BMP7: variants seen among roughly 807,000 people sequenced by gnomAD.
BMP7 encodes bone morphogenetic protein 7, also known as osteogenic protein 1.
In BMP7, 12 loss-of-function variants were observed where a neutral mutation model predicts 41.2. The ratio of observed to expected loss-of-function variants is 0.29; its 90% confidence interval spans 0.19 to 0.47. The LOEUF is 0.47. Among genes scored for constraint, BMP7 ranks in the 20% least tolerant of loss-of-function variants. The probability of loss-of-function intolerance (pLI) is 0.99; values close to 1 mark genes in which losing one functional copy is unlikely to be tolerated. For missense variants in BMP7, 467 were observed against 606.0 expected, an observed-to-expected ratio of 0.77 and a Z score of 2.41; for synonymous variants, 248 against 250.0, an observed-to-expected ratio of 0.99 and a Z score of 0.07.
chr20:57,266,268 G>A lies in BMP7; in HGVS notation c.-146C>T, dbSNP rs113393186. 16,057 of 770,104 alleles carry A rather than the reference G, an allele frequency of 0.021. 214 individuals carry two copies. The highest frequency in any genetic ancestry group is 0.024 in the South Asian group (572 of 23,936). 47.7% of individuals were successfully genotyped at this position (770,104 alleles called of 1,614,324 possible). The stretch of plus-strand genomic sequence containing the variant: ...CCCGCGCCAGACATGGCCCCTCCCC[G>A]GCCGGCCGCGCTCTGCCCGGACCCC... On this transcript the variant is annotated 5_prime_UTR_variant, in exon 1 of 7. Coordinates refer to ENST00000395863, the MANE Select transcript of BMP7 (RefSeq NM_001719.3).
At position 57,259,332 on chromosome 20, in the gene BMP7, G is replaced by C. The variant is rs1041957263; in HGVS notation, c.418+6373C>G. Among the ~76,000 whole-genome samples, 1 of 152,246 alleles carries C rather than the reference G, an allele frequency of 6.6e-6. No homozygotes were observed. The highest frequency in any genetic ancestry group is 1.9e-4 in the East Asian group (1 of 5,200). On this transcript the variant is annotated intron_variant, in intron 1 of 6. Coordinates refer to ENST00000395863, the MANE Select transcript of BMP7 (RefSeq NM_001719.3). The surrounding 1 kb of genome is among the most constrained non-coding windows in gnomAD (Gnocchi z 4.7). ...GTGAAGCCCTTTATAGAAAGCCGCG[G>C]TTGGCAGCCCCCGCTCCTGCATGGG...
At chr20:57,233,104 A>G (rs2123121921) in intron 1 of BMP7, among the ~76,000 whole-genome samples, 1 of 152,294 alleles carries the variant, frequency 6.6e-6, no homozygotes, top group East Asian at 1.9e-4. Flanking sequence ...TTTCTTCTAA[A>G]GTTACTGTAT....
At chr20:57,244,687 T>A (rs2066082748) in intron 1 of BMP7, among the ~76,000 whole-genome samples, 1 of 152,218 alleles carries the variant, frequency 6.6e-6, no homozygotes. Context: ...ACATGGAGGC[T>A]GGCCACCAGG....
At chr20:57,185,410 A>G (rs1461450183) in intron 3 of BMP7, among the ~76,000 whole-genome samples, 1 of 152,144 alleles carries the variant, frequency 6.6e-6, no homozygotes, top group African/African-American at 2.4e-5. Flanking sequence ...TTGGGAAGGG[A>G]TTATAAAAGG....
intron 4 of BMP7, among the ~76,000 whole-genome samples, chr20:57,176,924 T>C (rs1036632357): frequency 7.2e-5 from 11 of 152,204 alleles, no homozygotes; most frequent in Non-Finnish European, 1.3e-4. Flanking sequence ...GCATAGCTTC[T>C]AGGATAATGA....
chr20:57,229,750 G>A (rs760729980), intron 1 of BMP7, among the ~76,000 whole-genome samples: 3 of 152,216 alleles, frequency 2.0e-5, no homozygotes, highest in Non-Finnish European at 4.4e-5. Flanking sequence ...GGAGAAATAC[G>A]ATCAGCAATC....
intron 2 of BMP7, among the ~76,000 whole-genome samples, chr20:57,211,691 A>T (rs1342151166): frequency 6.6e-6 from 1 of 152,158 alleles, no homozygotes; most frequent in African/African-American, 2.4e-5. Context: ...GCCAGAGAAT[A>T]AGCTGTGACA....
At chr20:57,232,300 T>C (rs1467578585) in intron 1 of BMP7, among the ~76,000 whole-genome samples, 1 of 152,108 alleles carries the variant, frequency 6.6e-6, no homozygotes, top group Admixed American at 6.5e-5. Flanking sequence ...AGGTGAGCCA[T>C]TTGAGTCTGC....
intron 1 of BMP7, among the ~76,000 whole-genome samples, chr20:57,233,742 ACAAC>A (rs1306996327): frequency 6.6e-6 from 1 of 152,234 alleles, no homozygotes; most frequent in African/African-American, 2.4e-5. Flanking sequence ...AGGGAGGGCC[ACAAC>A]CAAAGAAATT....
chr20:57,192,468 T>C (rs996835868), intron 3 of BMP7, among the ~76,000 whole-genome samples: 4 of 151,476 alleles, frequency 2.6e-5, no homozygotes, highest in African/African-American at 9.7e-5. Context: ...CAATTCCTTT[T>C]CATTTTATGT....
chr20:57,250,033 C>G (rs1600643601), intron 1 of BMP7, among the ~76,000 whole-genome samples: 1 of 152,118 alleles, frequency 6.6e-6, no homozygotes, highest in African/African-American at 2.4e-5. Flanking sequence ...CCCCAAAGCT[C>G]GGCGAGTAAT....
At chr20:57,173,521 T>C in intron 5 of BMP7, 1 of 638,664 alleles carries the variant, frequency 1.6e-6, no homozygotes, top group Non-Finnish European at 2.8e-6. Context: ...GACCACTCTA[T>C]AGTCTTGGCC....
chr20:57,246,545 C>T (rs973527215), intron 1 of BMP7, among the ~76,000 whole-genome samples: 2 of 152,228 alleles, frequency 1.3e-5, no homozygotes, highest in Non-Finnish European at 2.9e-5. Context: ...TCTCCAGGAA[C>T]TGGATCTCCA....
At chr20:57,244,641 G>A (rs981323523) in intron 1 of BMP7, among the ~76,000 whole-genome samples, 10 of 152,250 alleles carry the variant, frequency 6.6e-5, no homozygotes, top group African/African-American at 2.4e-4. Context: ...GACAGGCAGA[G>A]GCCCCCAGTT....
Position 57,228,115 on chromosome 20 carries a change from C to G in BMP7, c.611+114G>C. On this transcript the variant is annotated intron_variant, in intron 2 of 6. Coordinates refer to ENST00000395863, the MANE Select transcript of BMP7 (RefSeq NM_001719.3). The surrounding 1 kb of genome is among the most constrained non-coding windows in gnomAD (Gnocchi z 4.5). ...CTTCTTTAGAAGGGATAATCTGGTA[C>G]AGGGCCTGGCACGTGGTTGTGCCAA... The G allele has an allele frequency of 8.5e-7, 1 of 1,174,930 alleles. No homozygotes were observed. Among genetic ancestry groups the G allele is most frequent in the South Asian group, 1.2e-5 (1 of 81,570 alleles). 72.8% of individuals were successfully genotyped at this position (1,174,930 alleles called of 1,614,324 possible). A position where few individuals can be genotyped will look rare whatever the true frequency, so the allele number is the denominator to read the frequency against.
intron 1 of BMP7, among the ~76,000 whole-genome samples, chr20:57,231,098 C>G (rs2066027800): frequency 6.6e-6 from 1 of 152,338 alleles, no homozygotes; most frequent in Admixed American, 6.5e-5. Context: ...CCCTTTCCCA[C>G]CCTGGACTTC....
chr20:57,179,975 C>T (rs1270826969), intron 4 of BMP7, among the ~76,000 whole-genome samples: 1 of 152,020 alleles, frequency 6.6e-6, no homozygotes. Context: ...TCTAAGCCCG[C>T]GATGCCTAGT....
chr20:57,182,288 G>A (rs1984102673), intron 4 of BMP7, among the ~76,000 whole-genome samples: 1 of 152,278 alleles, frequency 6.6e-6, no homozygotes, highest in Middle Eastern at 3.4e-3. Context: ...CAGCAGGTCT[G>A]CTCCAGGCCA....
At chr20:57,175,455 G>A (rs1045346784) in intron 4 of BMP7, among the ~76,000 whole-genome samples, 3 of 152,288 alleles carry the variant, frequency 2.0e-5, no homozygotes, top group Admixed American at 2.0e-4. Context: ...CTCTGCAGGG[G>A]CAAGAGGATG....
Sources: allele counts gnomAD v4.1 joint callset (sites outside exome capture counted in the v4.1 genomes callset), GRCh38; gene constraint gnomAD v4.1.1; non-coding constraint Gnocchi (gnomAD v3.1); transcripts MANE v1.5; gene names NCBI Gene and HGNC (gene_info 2026-07-23, HGNC 2026-07-21).